ABHD17C: variants seen among roughly 807,000 people sequenced by gnomAD.
ABHD17C encodes alpha/beta hydrolase domain-containing protein 17C.
A neutral mutation model predicts 27.9 loss-of-function variants in ABHD17C; 11 were observed. The observed-to-expected ratio is 0.39, with a 90% confidence interval of 0.25 to 0.65. The LOEUF (loss-of-function observed/expected upper bound fraction) is 0.65, where lower values mean the gene tolerates loss of function less well. Among genes scored for constraint, ABHD17C ranks in the 30% least tolerant of loss-of-function variants. The probability of loss-of-function intolerance (pLI) is 0.45; values close to 1 mark genes in which losing one functional copy is unlikely to be tolerated. For synonymous variants in ABHD17C, 233 were observed against 209.1 expected, an observed-to-expected ratio of 1.11 and a Z score of -0.98; for missense variants, 280 against 470.2, an observed-to-expected ratio of 0.60 and a Z score of 3.74.
intron 1 of ABHD17C, among the ~76,000 whole-genome samples, chr15:80,701,400 C>T (rs549313354): frequency 3.3e-5 from 5 of 151,964 alleles, no homozygotes; most frequent in East Asian, 1.9e-4. Flanking sequence ...AGAAATATGT[C>T]GGCCGCGGTG....
intron 1 of ABHD17C, among the ~76,000 whole-genome samples, chr15:80,699,481 G>A (rs977555320): frequency 3.3e-5 from 5 of 151,292 alleles, no homozygotes; most frequent in African/African-American, 1.2e-4. Context: ...CATTGTATTG[G>A]TGTTCTTGTG....
intron 1 of ABHD17C, among the ~76,000 whole-genome samples, chr15:80,731,011 A>G (rs1292750965): frequency 6.6e-6 from 1 of 152,196 alleles, no homozygotes; most frequent in East Asian, 1.9e-4. Flanking sequence ...TGTTGAAGTT[A>G]CTTCAAGGCC....
At position 80,754,155 on chromosome 15, in the gene ABHD17C, G is replaced by C; in HGVS notation, c.775G>C (p.Asp259His). 1 of 1,613,484 alleles carries C rather than the reference G, an allele frequency of 6.2e-7. No homozygotes were observed. Among genetic ancestry groups the C allele is most frequent in the Non-Finnish European group, 8.5e-7 (1 of 1,179,600 alleles). The change falls in exon 3 of 3, where the codon GAC becomes CAC. Residue 259 changes from aspartate to histidine, a missense_variant. By Grantham distance (81) the Asp-to-His change is moderately conservative (BLOSUM62 -1). This residue lies in a region of ABHD17C where 206 missense variants were observed against 394.7 expected (regional missense o/e 0.52). Coordinates refer to ENST00000258884, the MANE Select transcript of ABHD17C (RefSeq NM_021214.2). ...TYCFDAFPSI[D>H]KISKVTSPVL... is the part of the protein sequence containing the mutation. ...TCCCCCCTTTCTGTTTTGCAGCATT[G>C]ACAAGATATCTAAAGTCACCTCTCC...
intron 2 of ABHD17C, among the ~76,000 whole-genome samples, chr15:80,751,644 A>T (rs1895368038): frequency 1.3e-5 from 2 of 152,178 alleles, no homozygotes. Flanking sequence ...GCTCCTCAGG[A>T]GGCTGGGGTG....
At chr15:80,739,918 T>A (rs188893578) in intron 1 of ABHD17C, among the ~76,000 whole-genome samples, 81 of 152,314 alleles carry the variant, frequency 5.3e-4, no homozygotes, top group Non-Finnish European at 2.1e-4. Context: ...TTTTTAAGCC[T>A]CTAGTGTCAC....
chr15:80,711,766 A>C lies in ABHD17C; in HGVS notation c.590+15747A>C, dbSNP rs116542289. ...GCAGGCATTGGATCTTCTGAAACCC[A>C]TTCTTGTATTATTTTTGAGTTTTCC... On this transcript the variant is annotated intron_variant, in intron 1 of 2. Transcript: ENST00000258884. Among the ~76,000 whole-genome samples the C allele has an allele frequency of 6.7e-3, 1,021 of 152,274 alleles. 13 individuals carry two copies. Among genetic ancestry groups the C allele is most frequent in the African/African-American group, 0.023 (973 of 41,544 alleles).
Position 80,755,479 on chromosome 15 carries a change from T to A in ABHD17C, c.*1109T>A, listed in dbSNP as rs1895420253. 6.6e-6 allele frequency: 1 copy of A among 152,174 alleles called. No individual in the cohort carries two copies. The highest frequency in any genetic ancestry group is 1.9e-4 in the East Asian group (1 of 5,198). 9.4% of individuals were successfully genotyped at this position (152,174 alleles called of 1,614,324 possible). A position where few individuals can be genotyped will look rare whatever the true frequency, so the allele number is the denominator to read the frequency against. On this transcript the variant is annotated 3_prime_UTR_variant, in exon 3 of 3. Transcript: ENST00000258884. Reference sequence around the variant, plus strand: ...TTTGGGGGTTCTTTGGTTTTAATTTTTTTTTCCACATTTAAAAGCCTTAAA... The same window carrying A: ...TTTGGGGGTTCTTTGGTTTTAATTTATTTTTCCACATTTAAAAGCCTTAAA...
At chr15:80,750,877 T>C (rs897586526) in intron 2 of ABHD17C, among the ~76,000 whole-genome samples, 2 of 152,030 alleles carry the variant, frequency 1.3e-5, no homozygotes, top group African/African-American at 2.4e-5. Flanking sequence ...ACAAAACTAA[T>C]AGTTTTTTTT....
At chr15:80,738,421 G>C (rs1895163286) in intron 1 of ABHD17C, among the ~76,000 whole-genome samples, 1 of 152,154 alleles carries the variant, frequency 6.6e-6, no homozygotes, top group Non-Finnish European at 1.5e-5. Flanking sequence ...TGGGTACCTG[G>C]ATGGAGATGT....
At chr15:80,736,620 T>C (rs1567037153) in intron 1 of ABHD17C, among the ~76,000 whole-genome samples, 2 of 152,246 alleles carry the variant, frequency 1.3e-5, no homozygotes, top group Non-Finnish European at 1.5e-5. Context: ...AACATTCACG[T>C]TACCTTGTGT....
intron 1 of ABHD17C, among the ~76,000 whole-genome samples, chr15:80,729,244 A>G (rs1895024575): frequency 1.3e-5 from 2 of 152,220 alleles, no homozygotes; most frequent in Non-Finnish European, 2.9e-5. Flanking sequence ...TGTAACCAGC[A>G]GGGCAGAAAA....
chr15:80,754,004 A>AAAAAC (rs556948080), intron 2 of ABHD17C, 147 bp from the exon 3 acceptor site: 3 of 690,922 alleles, frequency 4.3e-6, no homozygotes, highest in Non-Finnish European at 2.4e-6. Context: ...TCCTTAATTT[A>AAAAAC]AAAACAAAAC....
chr15:80,695,886 A>G lies in ABHD17C; in HGVS notation c.457A>G (p.Ile153Val), dbSNP rs1179535448. Residue 153 changes from isoleucine (I) to valine (V), a missense_variant, in exon 1 of 3, where the codon ATT (isoleucine) becomes GTT (valine). This residue lies in a region of ABHD17C where 206 missense variants were observed against 394.7 expected (regional missense o/e 0.52). Transcript: ENST00000258884. The surrounding 1 kb of genome is among the most constrained non-coding windows in gnomAD (Gnocchi z 4.3). ...VDLGQMCSFY[I>V]GLGSRINCNI... ...CCTGGGCCAGATGTGCAGCTTCTAC[A>G]TTGGCCTCGGCTCCCGCATCAACTG... 1 of 1,597,350 alleles carries G rather than the reference A, an allele frequency of 6.3e-7. No individual in the cohort carries two copies. Among genetic ancestry groups the G allele is most frequent in the South Asian group, 1.1e-5 (1 of 90,828 alleles).
chr15:80,747,014 T>C (rs958495488), intron 1 of ABHD17C, among the ~76,000 whole-genome samples: 1 of 152,232 alleles, frequency 6.6e-6, no homozygotes, highest in Admixed American at 6.5e-5. Flanking sequence ...ATTTTTGATA[T>C]TCAGTATTAA....
At chr15:80,743,562 G>T (rs1313003300) in intron 1 of ABHD17C, among the ~76,000 whole-genome samples, 4 of 152,118 alleles carry the variant, frequency 2.6e-5, no homozygotes, top group Admixed American at 2.0e-4. Flanking sequence ...AATCCTGCAT[G>T]AATACATCTT....
At chr15:80,698,483 C>T (rs907835893) in intron 1 of ABHD17C, among the ~76,000 whole-genome samples, 1 of 152,200 alleles carries the variant, frequency 6.6e-6, no homozygotes, top group South Asian at 2.1e-4. Context: ...GATAGACTGG[C>T]GGCAAATCAG....
At chr15:80,750,328 G>A (rs993168892) in intron 2 of ABHD17C, among the ~76,000 whole-genome samples, 2 of 152,176 alleles carry the variant, frequency 1.3e-5, no homozygotes, top group Non-Finnish European at 1.5e-5. Context: ...TTGACCGGAA[G>A]ATCTCACCCC....
At chr15:80,747,690 C>T (rs913714982) in intron 1 of ABHD17C, among the ~76,000 whole-genome samples, 10 of 152,206 alleles carry the variant, frequency 6.6e-5, no homozygotes, top group African/African-American at 2.2e-4. Context: ...CCAGGCAAAA[C>T]CTGCATCTGG....
intron 1 of ABHD17C, among the ~76,000 whole-genome samples, chr15:80,723,185 G>A (rs1168315753): frequency 7.0e-6 from 1 of 143,068 alleles, no homozygotes; most frequent in African/African-American, 2.6e-5. Context: ...TTGTCTGAAT[G>A]ACACAAAGGA....
Sources: allele counts gnomAD v4.1 joint callset (sites outside exome capture counted in the v4.1 genomes callset), GRCh38; gene constraint gnomAD v4.1.1; regional missense constraint gnomAD v4.1.1; non-coding constraint Gnocchi (gnomAD v3.1); transcripts MANE v1.5; gene names NCBI Gene and HGNC (gene_info 2026-07-23, HGNC 2026-07-21).